LRRC56: variants seen among roughly 807,000 people sequenced by gnomAD.
The protein encoded by LRRC56 is leucine rich repeat containing 56.
In LRRC56, 41 loss-of-function variants were observed where a neutral mutation model predicts 47.8. That is an observed-to-expected ratio of 0.86 (90% CI 0.67 to 1.11). The LOEUF is 1.11. Ranked by LOEUF, LRRC56 falls within the 50% of genes most tolerant of loss-of-function variation. The pLI, the probability that LRRC56 is intolerant of heterozygous loss-of-function variation, is 0.00. For missense variants in LRRC56, 759 were observed against 704.2 expected, an observed-to-expected ratio of 1.08 and a Z score of -0.88; for synonymous variants, 387 against 311.2, an observed-to-expected ratio of 1.24 and a Z score of -2.56.
chr11:532,684 A>G, upstream of LRRC56: 1 of 1,613,142 alleles, frequency 6.2e-7, no homozygotes, highest in Non-Finnish European at 8.5e-7. Context: ...CACTCTCATC[A>G]GGAGGGTTCA....
chr11:531,934 C>G, the LRRC56 span, among the ~76,000 whole-genome samples: 2 of 152,210 alleles, frequency 1.3e-5, no homozygotes, highest in African/African-American at 4.8e-5. Context: ...CCAGAGCCAC[C>G]GGCACAGATC....
At chr11:534,653 A>C, upstream of LRRC56, 16 of 418,540 alleles carry the variant, frequency 3.8e-5, no homozygotes, top group Non-Finnish European at 4.9e-5. Context: ...ACGCACCCAA[A>C]TTAGAAGCTG....
At position 552,626 on chromosome 11, in the gene LRRC56, C is replaced by A; in HGVS notation, c.1239C>A (p.Gly413=). 6.2e-7 allele frequency: 1 copy of A among 1,610,502 alleles called. No individual in the cohort carries two copies. The highest frequency in any genetic ancestry group is 1.1e-5 in the South Asian group (1 of 90,920). ...AGGAAGGGGCTGTAGCCCCCTGGGG[C>A]CCACGGAGGGTCCCTGAAGAGCAAG... is the stretch of plus-strand genomic sequence containing the variant. ...SQQEGAVAPW[G]PRRVPEEQVH... The change falls in exon 13 of 14, where the codon GGC becomes GGA. Residue 413 remains glycine (G), a synonymous_variant. Transcript: ENST00000270115.
At chr11:528,310 G>A in the LRRC56 span, among the ~76,000 whole-genome samples, 5 of 152,320 alleles carry the variant, frequency 3.3e-5, no homozygotes, top group East Asian at 1.9e-4. Context: ...GGCAGGCGGC[G>A]CCCGGGACAG....
intron 13 of LRRC56, among the ~76,000 whole-genome samples, chr11:552,959 G>A (rs1564808974): frequency 6.6e-6 from 1 of 152,212 alleles, no homozygotes; most frequent in Non-Finnish European, 1.5e-5. Flanking sequence ...CGAAAGAGAG[G>A]CGTTCCACAA....
chr11:531,353 C>T, the LRRC56 span, among the ~76,000 whole-genome samples: 7 of 152,176 alleles, frequency 4.6e-5, no homozygotes, highest in African/African-American at 1.7e-4. Flanking sequence ...CAGCCTCAAC[C>T]CGGGCCCTGG....
rs118029005 is a variant in LRRC56, at chr11:549,500, C to T, written c.327-402C>T. Among the ~76,000 whole-genome samples, 608 of 152,374 alleles carry T rather than the reference C, an allele frequency of 4.0e-3. 9 individuals carry two copies. The highest frequency in any genetic ancestry group is 0.037 in the Admixed American group (563 of 15,302). ...GGTCAGCCTCCAGCGAAGCCCCCCA[C>T]ATCGGTGTCCAGGGGCTCAGGCTCC... On this transcript the variant is annotated intron_variant, in intron 6 of 13. Coordinates refer to ENST00000270115, the MANE Select transcript of LRRC56 (RefSeq NM_198075.4).
At chr11:520,561 C>T in the LRRC56 span, among the ~76,000 whole-genome samples, 3 of 152,072 alleles carry the variant, frequency 2.0e-5, no homozygotes, top group South Asian at 2.1e-4. Flanking sequence ...TCAAATGATC[C>T]GCCCACCTCA....
At chr11:535,511 C>A (rs952663179), upstream of LRRC56, 2 of 147,902 alleles carry the variant, frequency 1.4e-5, no homozygotes, top group Non-Finnish European at 1.5e-5. Flanking sequence ...GCATGGGCTC[C>A]GTCCGCGGCG....
the LRRC56 span, chr11:506,612 T>C: frequency 6.6e-6 from 1 of 152,050 alleles, no homozygotes; most frequent in Non-Finnish European, 1.5e-5. Flanking sequence ...CGCCCACCTT[T>C]CCCCCAACGC....
upstream of LRRC56, among the ~76,000 whole-genome samples, chr11:536,157 C>T (rs1260434558): frequency 1.3e-5 from 2 of 152,236 alleles, no homozygotes; most frequent in South Asian, 2.1e-4. Flanking sequence ...ACGCTTGCAG[C>T]CCCGGTGGGG....
upstream of LRRC56, chr11:534,589 G>C: frequency 1.8e-6 from 1 of 565,350 alleles, no homozygotes; most frequent in Non-Finnish European, 3.2e-6. Context: ...ACCCAGTGAT[G>C]GGAAAAGGGA....
chr11:517,416 C>A, the LRRC56 span, among the ~76,000 whole-genome samples: 2 of 151,944 alleles, frequency 1.3e-5, no homozygotes, highest in Non-Finnish European at 2.9e-5. Flanking sequence ...TGCCTGGCTG[C>A]CCCGTCTGGG....
At chr11:511,315 C>A in the LRRC56 span, among the ~76,000 whole-genome samples, 1 of 137,392 alleles carries the variant, frequency 7.3e-6, no homozygotes. Context: ...AGCTAGACTC[C>A]GTCTCAAAAA....
chr11:548,091 A>G (rs892840146), intron 6 of LRRC56, among the ~76,000 whole-genome samples: 3 of 152,070 alleles, frequency 2.0e-5, no homozygotes, highest in Middle Eastern at 3.2e-3. Flanking sequence ...GTGCCACTGC[A>G]CTCCAGCCTG....
At position 540,771 on chromosome 11, in the gene LRRC56, CA is replaced by C; in HGVS notation, c.89del (p.Asn30ThrfsTer42). The C allele has an allele frequency of 6.2e-7, 1 of 1,610,450 alleles. No homozygotes were observed. Among genetic ancestry groups the C allele is most frequent in the Non-Finnish European group, 8.5e-7 (1 of 1,179,072 alleles). ...VRELSWQGLH[N>X]PCPQSKGPGS... ...GGGAGCTGAGCTGGCAAGGCCTGCA[CA>C]ACCCCTGCCCACAGAGCAAGGGCCC... On this transcript the variant is annotated frameshift_variant, in exon 4 of 14. Coordinates refer to ENST00000270115, the MANE Select transcript of LRRC56 (RefSeq NM_198075.4). LOFTEE classifies it high-confidence loss of function.
rs553306473 is a variant in LRRC56 at position 552,471 on chromosome 11, C to T, written c.1182-98C>T. ...GGGATCAGGGCTGGGGCTACCTTGG[C>T]TGAGTCATCCCCAGTCCCAAGGCTC... is the stretch of plus-strand genomic sequence containing the variant. On this transcript the variant is annotated intron_variant, in intron 12 of 13. Transcript: ENST00000270115. 7.2e-5 allele frequency: 91 copies of T among 1,267,272 alleles called. No individual in the cohort carries two copies. The African/African-American group carries it at 1.2e-3, about 17-fold the overall frequency. The allele number at this position is 1,267,272 out of a possible 1,614,324, so 78.5% of individuals were successfully genotyped here.
the LRRC56 span, among the ~76,000 whole-genome samples, chr11:531,006 CGAGTGTGGCGTCCCCTGGACAGAAGGGG>C: frequency 8.9e-5 from 4 of 44,904 alleles, no homozygotes; most frequent in African/African-American, 4.5e-4. Context: ...GAGAGAAGGG[CGAGTGTGGCGTCCCCTGGACAGAAGGGG>C]GAGTGTGGCG....
intron 1 of LRRC56, among the ~76,000 whole-genome samples, chr11:537,856 G>A (rs7112856): frequency 6.6e-6 from 1 of 152,210 alleles, no homozygotes; most frequent in Admixed American, 6.5e-5. Context: ...GGGAGACTCA[G>A]AGGCAATGAC....
Sources: gnomAD v4.1 joint callset for allele counts (sites outside exome capture counted in the v4.1 genomes callset) on GRCh38, gnomAD v4.1.1 for gene constraint, MANE v1.5 for transcripts, NCBI Gene and HGNC (gene_info 2026-07-23, HGNC 2026-07-21) for gene names.